The following IRF9 variants were observed in gnomAD, a reference collection of about 807,000 sequenced individuals.
The protein encoded by IRF9 is IFN-alpha-responsive transcription factor subunit.
Under a neutral mutation model 44.1 loss-of-function variants are expected in IRF9, and 13 were observed. That is an observed-to-expected ratio of 0.29 (90% confidence interval 0.19 to 0.47). The LOEUF (loss-of-function observed/expected upper bound fraction) is 0.47. Among genes scored for constraint, IRF9 ranks in the 20% least tolerant of loss-of-function variants. The pLI, the probability that IRF9 is intolerant of heterozygous loss-of-function variation, is 1.00. For missense variants in IRF9, 373 were observed against 496.1 expected (o/e 0.75, Z 2.36); for synonymous variants, 189 against 188.5 (o/e 1.00, Z -0.02).
At chr14:24,161,837 A>G (rs1349066219) in intron 1 of IRF9, among the ~76,000 whole-genome samples, 1 of 152,190 alleles carries the variant, frequency 6.6e-6, no homozygotes, top group Non-Finnish European at 1.5e-5. Flanking sequence ...TTTGTAAACA[A>G]TACATCTCTG....
intron 3 of IRF9, 38 bp downstream of exon 3, chr14:24,163,187 A>G: frequency 6.2e-7 from 1 of 1,606,144 alleles, no homozygotes; most frequent in Non-Finnish European, 8.5e-7. Context: ...TAGACTCAGC[A>G]GACTGGGGAG....
At position 24,163,365 on chromosome 14, in the gene IRF9, A is replaced by G. The variant is rs140323905; in HGVS notation, c.365-13A>G. ...AGACCCTGACCTTTCTCTGTCCCTC[A>G]ACAATTCCACAGGCCAGCCAGGGAC... On this transcript the variant is annotated splice_polypyrimidine_tract_variant and intron_variant, in intron 3 of 8. Coordinates refer to ENST00000396864, the MANE Select transcript of IRF9 (RefSeq NM_006084.5). 8.1e-6 allele frequency: 13 copies of G among 1,612,376 alleles called. No individual in the cohort carries two copies. Among genetic ancestry groups the G allele is most frequent in the Middle Eastern group, 1.7e-4 (1 of 6,054 alleles).
rs1055311323 is a variant in IRF9, at chr14:24,163,791, C to T, written c.496-87C>T. On this transcript the variant is annotated intron_variant, in intron 4 of 8. Transcript: ENST00000396864. Reference sequence around the variant, plus strand: ...GGCGGAGATAGCAGTGAGCCGAGATCGCGCCACTGCACTCCAGCCTGGGCA... The same window carrying T: ...GGCGGAGATAGCAGTGAGCCGAGATTGCGCCACTGCACTCCAGCCTGGGCA... 19 of 1,338,532 alleles carry T rather than the reference C, an allele frequency of 1.4e-5. No individual in the cohort carries two copies. The Admixed American group carries it at 1.6e-4, about 11-fold the overall frequency. 82.9% of individuals were successfully genotyped at this position (1,338,532 alleles called of 1,614,324 possible).
rs1566619584 is a variant in IRF9, at chr14:24,162,336, T to C, written c.180+12T>C. 3 of 1,611,050 alleles carry C rather than the reference T, an allele frequency of 1.9e-6. No individual in the cohort carries two copies. The highest frequency in any genetic ancestry group is 4.5e-5 in the East Asian group (2 of 44,880). ...CTGCCTTCTTCAAGGTGAAAGGGCC[T>C]GGAAACCACTGTTCCTCTGTGTGTG... On this transcript the variant is annotated intron_variant, in intron 2 of 8. Transcript: ENST00000396864.
chr14:24,164,290 A>G lies in IRF9; in HGVS notation c.649+156A>G. 1.5e-6 allele frequency: 1 copy of G among 687,424 alleles called. No individual in the cohort carries two copies. Among genetic ancestry groups the G allele is most frequent in the Non-Finnish European group, 2.5e-6 (1 of 398,170 alleles). The allele number at this position is 687,424 out of a possible 1,614,324, so 42.6% of individuals were successfully genotyped here. A position where few individuals can be genotyped will look rare whatever the true frequency, so the allele number is the denominator to read the frequency against. ...GGTTTCTAGGTGGCGAGAATTCCAT[A>G]TGCCTGGCCAGACTCCAAAAAGCTT... On this transcript the variant is annotated intron_variant, in intron 6 of 8. Transcript: ENST00000396864. The surrounding 1 kb of genome is among the most constrained non-coding windows in gnomAD (Gnocchi z 5.2).
At chr14:24,165,332 C>T in intron 7 of IRF9, 1 of 644,550 alleles carries the variant, frequency 1.6e-6, no homozygotes, top group Non-Finnish European at 2.8e-6. Flanking sequence ...AGAGCTGGCA[C>T]ACATCACACA....
In IRF9 at chr14:24,164,819, C is replaced by A; in HGVS notation, c.855C>A (p.Pro285=). The A allele has an allele frequency of 6.2e-7, 1 of 1,609,902 alleles. No individual in the cohort carries two copies. ...LERGILVASN[P]RGLFVQRLCP... ...GGGGCATCCTAGTGGCCAGCAACCC[C>A]CGAGGCCTCTTCGTGCAGCGCCTTT... The change falls in exon 7 of 9, where the codon CCC becomes CCA. Residue 285 remains proline (P), a synonymous_variant. Transcript: ENST00000396864. This position sits in a 1 kb window ranked among gnomAD's most constrained non-coding sequence, Gnocchi z 5.2.
At position 24,164,794 on chromosome 14, in the gene IRF9, G is replaced by C; in HGVS notation, c.830G>C (p.Arg277Thr). Reference protein sequence around the residue: ...PTQRLLSQLERGILVASNPRG... With the variant: ...PTQRLLSQLETGILVASNPRG... ...CAGCGCCTGCTGAGCCAGCTTGAGA[G>C]GGGCATCCTAGTGGCCAGCAACCCC... is the stretch of plus-strand genomic sequence containing the variant. The change falls in exon 7 of 9, where the codon AGG (arginine) becomes ACG (threonine). Residue 277 changes from arginine to threonine, a missense_variant. By Grantham distance (71) the Arg-to-Thr change is moderately conservative. Transcript: ENST00000396864. This position sits in a 1 kb window ranked among gnomAD's most constrained non-coding sequence, Gnocchi z 5.2. 1 of 1,610,292 alleles carries C rather than the reference G, an allele frequency of 6.2e-7. No individual in the cohort carries two copies. The highest frequency in any genetic ancestry group is 8.5e-7 in the Non-Finnish European group (1 of 1,179,930).
chr14:24,165,933 C>T lies in IRF9; in HGVS notation c.1078C>T (p.His360Tyr). Reference protein sequence around the residue: ...NFWEESHGSSHTPQNLITVKM... With the variant: ...NFWEESHGSSYTPQNLITVKM... ...CTGGGAAGAGAGCCATGGCTCCAGC[C>T]ATACTCCACAGAATCTTATCACAGT... Residue 360 changes from histidine to tyrosine, a missense_variant, in exon 8 of 9, where the codon CAT becomes TAT. Physicochemically the swap from His to Tyr is moderately conservative, Grantham distance 83. This residue lies in a region of IRF9 where 146 missense variants were observed against 240.8 expected (regional missense o/e 0.61). Transcript: ENST00000396864. 1 of 1,614,124 alleles carries T rather than the reference C, an allele frequency of 6.2e-7. No homozygotes were observed. Among genetic ancestry groups the T allele is most frequent in the East Asian group, 2.2e-5 (1 of 44,888 alleles).
In IRF9 at chr14:24,164,123, C is replaced by T. The variant is rs780928294; in HGVS notation, c.638C>T (p.Pro213Leu). ...GDQRSLEFLLPPEPDYSLLLT... is the reference protein window; with the variant it reads ...GDQRSLEFLLLPEPDYSLLLT... ...CAGAGGTCCCTGGAGTTTCTGCTTCCTCCAGAGCCAGGTACGTGGCATTTC... is the reference window on the plus strand; with the variant it reads ...CAGAGGTCCCTGGAGTTTCTGCTTCTTCCAGAGCCAGGTACGTGGCATTTC... The change falls in exon 6 of 9, where the codon CCT becomes CTT. Residue 213 changes from proline (P) to leucine (L), a missense_variant. By Grantham distance (98) the Pro-to-Leu change is moderately conservative. This residue lies in a region of IRF9 where 146 missense variants were observed against 240.8 expected (regional missense o/e 0.61). Transcript: ENST00000396864. The surrounding 1 kb of genome is among the most constrained non-coding windows in gnomAD (Gnocchi z 5.2). The T allele has an allele frequency of 1.2e-6, 2 of 1,614,082 alleles. No individual in the cohort carries two copies. Among genetic ancestry groups the T allele is most frequent in the South Asian group, 1.1e-5 (1 of 91,084 alleles).
In IRF9 at chr14:24,166,169, G is replaced by T; in HGVS notation, c.1155G>T (p.Gln385His). 1 of 1,614,112 alleles carries T rather than the reference G, an allele frequency of 6.2e-7. No individual in the cohort carries two copies. Among genetic ancestry groups the T allele is most frequent in the South Asian group, 1.1e-5 (1 of 91,066 alleles). The change falls in exon 9 of 9, where the codon CAG becomes CAT. Residue 385 changes from glutamine to histidine, a missense_variant. By Grantham distance (24) the Gln-to-His change is conservative. Coordinates refer to ENST00000396864, the MANE Select transcript of IRF9 (RefSeq NM_006084.5). ...ARYLLEQTPE[Q>H]QAAILSLV ...ACTTGCTGGAGCAGACTCCAGAGCAGCAGGCAGCCATTCTGTCCCTGGTGT... is the reference window on the plus strand; with the variant it reads ...ACTTGCTGGAGCAGACTCCAGAGCATCAGGCAGCCATTCTGTCCCTGGTGT...
At chr14:24,165,026 T>C in intron 7 of IRF9, 71 bp downstream of exon 7, 1 of 1,394,688 alleles carries the variant, frequency 7.2e-7, no homozygotes, top group Non-Finnish European at 1.0e-6. Context: ...CCCAACTTGT[T>C]GGGTCCTGCT....
chr14:24,162,963 T>C lies in IRF9; in HGVS notation c.181-3T>C, dbSNP rs760732938. On this transcript the variant is annotated splice_polypyrimidine_tract_variant and splice_region_variant and intron_variant, in intron 2 of 8. Coordinates refer to ENST00000396864, the MANE Select transcript of IRF9 (RefSeq NM_006084.5). ...CCTCTTCTTCCCTTGCTTTCTTTCC[T>C]AGGCCTGGGCAATATTTAAGGGAAA... 4.4e-5 allele frequency: 71 copies of C among 1,612,976 alleles called. No individual in the cohort carries two copies. The highest frequency in any genetic ancestry group is 6.0e-5 in the Non-Finnish European group (71 of 1,179,606).
In IRF9 at chr14:24,162,312, T is replaced by C. The variant is rs752724212; in HGVS notation, c.168T>C (p.Ala56=). The change falls in exon 2 of 9, where the codon GCT becomes GCC. Residue 56 remains alanine (A), a synonymous_variant. Coordinates refer to ENST00000396864, the MANE Select transcript of IRF9 (RefSeq NM_006084.5). ...AGGACTTCCGGGAGGACCAGGATGC[T>C]GCCTTCTTCAAGGTGAAAGGGCCTG... ...GKQDFREDQD[A]AFFKAWAIFK... 6.2e-7 allele frequency: 1 copy of C among 1,613,860 alleles called. No individual in the cohort carries two copies. The highest frequency in any genetic ancestry group is 1.7e-5 in the Admixed American group (1 of 59,990).
Position 24,164,141 on chromosome 14 carries a change from G to A in IRF9, c.649+7G>A, listed in dbSNP as rs1416625657. 6.2e-7 allele frequency: 1 copy of A among 1,613,688 alleles called. No individual in the cohort carries two copies. The highest frequency in any genetic ancestry group is 1.7e-5 in the Admixed American group (1 of 60,006). ...CTGCTTCCTCCAGAGCCAGGTACGTGGCATTTCTGACTTTCTCCTGTGCCC... is the reference window on the plus strand; with the variant it reads ...CTGCTTCCTCCAGAGCCAGGTACGTAGCATTTCTGACTTTCTCCTGTGCCC... On this transcript the variant is annotated splice_region_variant and intron_variant, in intron 6 of 8. Transcript: ENST00000396864. The surrounding 1 kb of genome is among the most constrained non-coding windows in gnomAD (Gnocchi z 5.2).
chr14:24,163,440 A>G lies in IRF9; in HGVS notation c.427A>G (p.Lys143Glu), dbSNP rs2139103668. The G allele has an allele frequency of 6.2e-6, 10 of 1,614,120 alleles. No individual in the cohort carries two copies. The highest frequency in any genetic ancestry group is 8.5e-6 in the Non-Finnish European group (10 of 1,179,976). Residue 143 changes from lysine to glutamate, a missense_variant, in exon 4 of 9, where the codon AAG (lysine) becomes GAG (glutamate). Physicochemically the swap from Lys to Glu is moderately conservative, Grantham distance 56. Transcript: ENST00000396864. ...RQHSSVSSER[K>E]EEEDAMQNCT... ...GCACAGTTCTGTGTCCTCTGAGAGG[A>G]AGGAGGAAGAGGATGCCATGCAGAA...
chr14:24,163,493 G>C lies in IRF9; in HGVS notation c.480G>C (p.Gln160His). 1 of 1,614,150 alleles carries C rather than the reference G, an allele frequency of 6.2e-7. No individual in the cohort carries two copies. Among genetic ancestry groups the C allele is most frequent in the Non-Finnish European group, 8.5e-7 (1 of 1,180,000 alleles). Residue 160 changes from glutamine (Q) to histidine (H), a missense_variant, in exon 4 of 9, where the codon CAG (glutamine) becomes CAC (histidine). This residue lies in a region of IRF9 where 227 missense variants were observed against 255.3 expected (regional missense o/e 0.89). Coordinates refer to ENST00000396864, the MANE Select transcript of IRF9 (RefSeq NM_006084.5). ...QNCTLSPSVL[Q>H]DSLNNEEEGA... ...GCACACTCAGTCCCTCTGTGCTCCA[G>C]GACTCCCTCAATAATGTAAGAGATG...
intron 8 of IRF9, 44 bp from the exon 9 acceptor site, chr14:24,166,078 T>G: frequency 6.2e-7 from 1 of 1,602,366 alleles, no homozygotes. Context: ...TGTCTGTCCC[T>G]GATGCACGCA....
Position 24,163,952 on chromosome 14 carries a change from A to G in IRF9, c.570A>G (p.Pro190=). Residue 190 remains proline (P), a synonymous_variant, in exon 5 of 9, where the codon CCA becomes CCG. Transcript: ENST00000396864. The part of the protein sequence containing the change: ...GSSSSSSSPE[P]QEVTDTTEAP... ...GCAGCAGCAGCAGCAGCCCTGAGCC[A>G]CAGGAAGGTACCACCTGCCCTGCCT... The G allele has an allele frequency of 6.2e-7, 1 of 1,607,800 alleles. No individual in the cohort carries two copies. Among genetic ancestry groups the G allele is most frequent in the Non-Finnish European group, 8.5e-7 (1 of 1,177,748 alleles).
Sources: allele counts gnomAD v4.1 joint callset (sites outside exome capture counted in the v4.1 genomes callset), GRCh38; gene constraint gnomAD v4.1.1; regional missense constraint gnomAD v4.1.1; non-coding constraint Gnocchi (gnomAD v3.1); transcripts MANE v1.5; gene names NCBI Gene and HGNC (gene_info 2026-07-23, HGNC 2026-07-21).